MYH16: variants seen among roughly 807,000 people sequenced by gnomAD.
MYH16 encodes the protein putative uncharacterized protein MYH16.
intron 38 of MYH16, among the ~76,000 whole-genome samples, 182 bp from the exon 20 acceptor site, chr7:99,302,881 TAA>T (rs1219533053): frequency 5.7e-5 from 6 of 105,368 alleles, no homozygotes; most frequent in East Asian, 2.6e-4. Flanking sequence ...AGATCCTGCC[TAA>T]AAAAAAAAAA....
At chr7:99,251,917 G>C (rs116961848) in intron 6 of MYH16, among the ~76,000 whole-genome samples, 2,176 of 152,288 alleles carry the variant, frequency 0.014, 74 homozygotes, top group South Asian at 0.14. Context: ...AGGTTGCAAT[G>C]AGCTGAGATT....
At chr7:99,310,319 T>A (rs1011469130), downstream of MYH16, among the ~76,000 whole-genome samples, 2 of 152,194 alleles carry the variant, frequency 1.3e-5, no homozygotes, top group African/African-American at 4.8e-5. Context: ...AAGTATTCCA[T>A]AAACTCCATA....
At position 99,243,398 on chromosome 7, in the gene MYH16, C is replaced by T. The variant is rs189975617; in HGVS notation, n.331C>T. On this transcript the variant is annotated non_coding_transcript_exon_variant, in exon 2 of 42. Transcript: ENST00000439784. The stretch of plus-strand genomic sequence containing the variant: ...CAGTGTCCTAGACAATCTGCGCCAA[C>T]GCTACACCAACATGAGGATCTATGT... 8.1e-3 allele frequency: 1,233 copies of T among 152,818 alleles called. 16 individuals carry two copies. Among genetic ancestry groups the T allele is most frequent in the Non-Finnish European group, 0.011 (745 of 68,076 alleles). 9.5% of individuals were successfully genotyped at this position (152,818 alleles called of 1,614,324 possible). A position where few individuals can be genotyped will look rare whatever the true frequency, so the allele number is the denominator to read the frequency against.
At chr7:99,275,898 T>C (rs1382588141) in intron 20 of MYH16, among the ~76,000 whole-genome samples, 3 of 152,216 alleles carry the variant, frequency 2.0e-5, no homozygotes, top group Non-Finnish European at 4.4e-5. Context: ...GCCTAATTTT[T>C]TGTATTTTTA....
chr7:99,269,916 C>T (rs1304460114), intron 18 of MYH16, among the ~76,000 whole-genome samples: 2 of 147,202 alleles, frequency 1.4e-5, no homozygotes, highest in South Asian at 2.2e-4. Flanking sequence ...CTCTGTTACC[C>T]AGGCTGGAGT....
At chr7:99,259,335 C>A (rs1481368574) in intron 11 of MYH16, among the ~76,000 whole-genome samples, 1 of 152,122 alleles carries the variant, frequency 6.6e-6, no homozygotes, top group Non-Finnish European at 1.5e-5. Flanking sequence ...AGGCTGGGGC[C>A]GCATGCAGTG....
chr7:99,257,745 C>G (rs898404525), intron 10 of MYH16, among the ~76,000 whole-genome samples: 2 of 152,134 alleles, frequency 1.3e-5, no homozygotes, highest in Non-Finnish European at 2.9e-5. Flanking sequence ...CTTGTAGGCT[C>G]AAATGATCCT....
At chr7:99,247,631 A>T in exon 3 of MYH16, 1 of 191,642 alleles carries the variant, frequency 5.2e-6, no homozygotes, top group East Asian at 1.2e-4. Flanking sequence ...GTCAACCCCT[A>T]CAAGTGGCTG....
chr7:99,268,041 G>C, intron 18 of MYH16, among the ~76,000 whole-genome samples: 1 of 152,200 alleles, frequency 6.6e-6, no homozygotes, highest in Non-Finnish European at 1.5e-5. Flanking sequence ...TGCGCCTACT[G>C]TGTGCCAGGC....
chr7:99,265,331 T>C (rs1393719564), intron 16 of MYH16: 1 of 152,634 alleles, frequency 6.6e-6, no homozygotes, highest in Non-Finnish European at 1.5e-5. Context: ...CAATGGGTCA[T>C]CCAAGAATCA....
Position 99,283,588 on chromosome 7 carries a change from T to G in MYH16, n.3016T>G, listed in dbSNP as rs989466527. The G allele has an allele frequency of 1.1e-4, 50 of 456,348 alleles. 1 individual carries two copies. In the Admixed American group the frequency reaches 1.2e-3, roughly 11 times the overall value. The allele number at this position is 456,348 out of a possible 1,614,324, so 28.3% of individuals were successfully genotyped here. A position where few individuals can be genotyped will look rare whatever the true frequency, so the allele number is the denominator to read the frequency against. On this transcript the variant is annotated non_coding_transcript_exon_variant, in exon 24 of 42. Coordinates refer to ENST00000439784, the Ensembl canonical transcript of MYH16. ...AGAAAACCCTGGACGACCTACAGGC[T>G]GAGGAGGACAAGGTGAACCACCTGA...
chr7:99,261,020 T>C (rs1791932700), intron 12 of MYH16: 1 of 152,066 alleles, frequency 6.6e-6, no homozygotes, highest in South Asian at 2.1e-4. Flanking sequence ...TGAGCCGAGA[T>C]TGTGCCACTG....
chr7:99,289,255 A>G (rs1168875878), intron 29 of MYH16, 32 bp from the exon 11 acceptor site: 2 of 281,966 alleles, frequency 7.1e-6, no homozygotes, highest in Non-Finnish European at 1.5e-5. Context: ...CCCACCCGCA[A>G]CTTCCCCACT....
At chr7:99,310,167 A>C (rs1054370696), downstream of MYH16, among the ~76,000 whole-genome samples, 8 of 152,216 alleles carry the variant, frequency 5.3e-5, no homozygotes, top group Admixed American at 3.9e-4. Context: ...GGCCCAACAC[A>C]CACAAAAGTG....
intron 34 of MYH16, 94 bp downstream of exon 15, chr7:99,297,011 G>A (rs1212283406): frequency 2.5e-6 from 1 of 406,260 alleles, no homozygotes; most frequent in Non-Finnish European, 5.0e-6. Context: ...TTGAGTACCT[G>A]GCACATAGTA....
chr7:99,273,527 AAC>A, intron 20 of MYH16, 104 bp downstream of exon 2: 1 of 417,338 alleles, frequency 2.4e-6, no homozygotes, highest in Non-Finnish European at 4.8e-6. Context: ...AGGCTGCAAG[AAC>A]AGTTTGAAAA....
At chr7:99,266,643 C>G (rs1000075314) in intron 17 of MYH16, among the ~76,000 whole-genome samples, 15 of 152,198 alleles carry the variant, frequency 9.9e-5, no homozygotes, top group African/African-American at 2.7e-4. Flanking sequence ...CCCTGTACCC[C>G]CAACCCACAC....
At chr7:99,241,806 G>T (rs1475063026) in intron 1 of MYH16, among the ~76,000 whole-genome samples, 5 of 151,688 alleles carry the variant, frequency 3.3e-5, no homozygotes, top group Non-Finnish European at 7.4e-5. Flanking sequence ...TTTCTAGATC[G>T]TATGTCTTCA....
chr7:99,259,480 C>A lies in MYH16; in HGVS notation n.1405-684C>A, dbSNP rs551626910. ...TTTTGTTTATTTATTTTTTTTGAGA[C>A]AGAGTTTCACACTTTTTCCCCAGGC... is the stretch of plus-strand genomic sequence containing the variant. On this transcript the variant is annotated intron_variant and non_coding_transcript_variant, in intron 11 of 41. Coordinates refer to ENST00000439784, the Ensembl canonical transcript of MYH16. Among the ~76,000 whole-genome samples, 3 of 151,902 alleles carry A rather than the reference C, an allele frequency of 2.0e-5. No homozygotes were observed. In the East Asian group the frequency reaches 5.8e-4, roughly 29 times the overall value.
Sources: gnomAD v4.1 joint callset for allele counts (sites outside exome capture counted in the v4.1 genomes callset) on GRCh38, gnomAD v4.1.1 for gene constraint, MANE v1.5 for transcripts, NCBI Gene and HGNC (gene_info 2026-07-23, HGNC 2026-07-21) for gene names.